The following C13orf42 variants were observed in gnomAD, a reference collection of about 807,000 sequenced individuals.
C13orf42 encodes chromosome 13 open reading frame 42, also known as uncharacterized protein C13orf42.
At chr13:51,165,630 A>C (rs574190394) in intron 1 of C13orf42, among the ~76,000 whole-genome samples, 12 of 152,340 alleles carry the variant, frequency 7.9e-5, no homozygotes, top group South Asian at 4.1e-4. Context: ...GATGACCAGC[A>C]GTGTTGATGG....
At chr13:51,114,647 G>C (rs1351132396), upstream of C13orf42, among the ~76,000 whole-genome samples, 1 of 63,292 alleles carries the variant, frequency 1.6e-5, no homozygotes, top group Non-Finnish European at 3.4e-5. Context: ...TAGATAGATA[G>C]AGATAGACAG....
At chr13:51,138,153 C>T (rs1953671024) in intron 1 of C13orf42, among the ~76,000 whole-genome samples, 1 of 152,160 alleles carries the variant, frequency 6.6e-6, no homozygotes, top group African/African-American at 2.4e-5. Flanking sequence ...TCCCCAAATG[C>T]CAGGATTCAC....
rs990040796 is a variant in C13orf42, at chr13:51,082,604, GA to G, written c.*1546del. The G allele has an allele frequency of 2.0e-5, 3 of 152,086 alleles. No homozygotes were observed. The highest frequency in any genetic ancestry group is 6.6e-5 in the Admixed American group (1 of 15,260). 9.4% of individuals were successfully genotyped at this position (152,086 alleles called of 1,614,324 possible). On this transcript the variant is annotated 3_prime_UTR_variant, in exon 4 of 4. Transcript: ENST00000563710. ...GGCTTCAAACAAGGCCACATTTAGG[GA>G]AAATAAAAGATCTGTGGTGATAAAT...
chr13:51,087,014 G>T (rs985858967), intron 2 of C13orf42, among the ~76,000 whole-genome samples: 1 of 152,190 alleles, frequency 6.6e-6, no homozygotes, highest in South Asian at 2.1e-4. Context: ...AAACACTCAT[G>T]AATTATTTAA....
At chr13:51,151,171 AC>A (rs1953775299) in intron 1 of C13orf42, among the ~76,000 whole-genome samples, 1 of 152,244 alleles carries the variant, frequency 6.6e-6, no homozygotes, top group Non-Finnish European at 1.5e-5. Context: ...AATATGTTAC[AC>A]CACATGGTAA....
chr13:51,111,199 T>C lies in C13orf42; in HGVS notation c.11A>G (p.Lys4Arg), dbSNP rs1311447539. 7.5e-6 allele frequency: 3 copies of C among 398,558 alleles called. No individual in the cohort carries two copies. Among genetic ancestry groups the C allele is most frequent in the African/African-American group, 6.2e-5 (3 of 48,634 alleles). The allele number at this position is 398,558 out of a possible 1,614,324, so 24.7% of individuals were successfully genotyped here. MFR[K>R]IHSIFNSSPQ... ...GCTGGAGTTAAAGATGGAGTGGATC[T>C]TTCTGAACATAGTGCTCGATTTCTT... Residue 4 changes from lysine to arginine, a missense_variant, in exon 1 of 4, where the codon AAG (lysine) becomes AGG (arginine). By Grantham distance (26) the Lys-to-Arg change is conservative. Transcript: ENST00000563710.
At chr13:51,164,796 T>G (rs1351948840) in intron 1 of C13orf42, among the ~76,000 whole-genome samples, 2 of 152,056 alleles carry the variant, frequency 1.3e-5, no homozygotes, top group Non-Finnish European at 2.9e-5. Flanking sequence ...AAAAGATGGA[T>G]TGAGGATGAC....
intron 1 of C13orf42, among the ~76,000 whole-genome samples, chr13:51,155,117 G>A (rs1953814994): frequency 1.3e-5 from 2 of 152,126 alleles, no homozygotes; most frequent in African/African-American, 4.8e-5. Flanking sequence ...AGGAGTTCAT[G>A]TAAAATGAAT....
intron 1 of C13orf42, among the ~76,000 whole-genome samples, chr13:51,108,174 G>C (rs897400131): frequency 3.9e-5 from 6 of 152,086 alleles, no homozygotes; most frequent in Admixed American, 3.9e-4. Context: ...TGGGATTAGG[G>C]GCCCACCCTA....
chr13:51,138,551 AAAAAAAAG>A (rs1444430740), intron 1 of C13orf42, among the ~76,000 whole-genome samples: 3 of 151,914 alleles, frequency 2.0e-5, no homozygotes, highest in Admixed American at 1.3e-4. Flanking sequence ...GCTTTTATCA[AAAAAAAAG>A]AAAAAAAGAA....
At chr13:51,151,757 T>C (rs1953779873) in intron 1 of C13orf42, among the ~76,000 whole-genome samples, 1 of 152,210 alleles carries the variant, frequency 6.6e-6, no homozygotes. Context: ...CCCCTTTGCC[T>C]GGGGGAGCCA....
At chr13:51,150,640 T>C (rs1203408730) in intron 1 of C13orf42, among the ~76,000 whole-genome samples, 2 of 152,152 alleles carry the variant, frequency 1.3e-5, no homozygotes, top group Non-Finnish European at 2.9e-5. Flanking sequence ...GCTTTGGCCA[T>C]CCTAAAAAAT....
intron 1 of C13orf42, among the ~76,000 whole-genome samples, chr13:51,120,904 C>T (rs900345805): frequency 2.6e-5 from 4 of 152,146 alleles, no homozygotes; most frequent in African/African-American, 9.7e-5. Flanking sequence ...ATCCCAGCTA[C>T]TCGAGAGGCT....
At chr13:51,117,443 A>G (rs1035450559) in intron 1 of C13orf42, among the ~76,000 whole-genome samples, 4 of 152,370 alleles carry the variant, frequency 2.6e-5, no homozygotes, top group Admixed American at 2.6e-4. Context: ...ATCATTTTAA[A>G]GTGATATACT....
chr13:51,084,528 C>T (rs569738873), intron 3 of C13orf42, among the ~76,000 whole-genome samples: 67 of 152,254 alleles, frequency 4.4e-4, no homozygotes, highest in African/African-American at 1.3e-3. Context: ...AGGGGAAGGA[C>T]GGGTGGTGAG....
intron 1 of C13orf42, among the ~76,000 whole-genome samples, chr13:51,117,637 A>AT (rs138766224): frequency 0.088 from 13,359 of 152,012 alleles, 880 homozygotes; most frequent in South Asian, 0.26. Context: ...GCGGTCCAGT[A>AT]TTTTTTTCAC....
chr13:51,097,882 C>T (rs1444246937), intron 1 of C13orf42, among the ~76,000 whole-genome samples: 1 of 152,054 alleles, frequency 6.6e-6, no homozygotes, highest in Admixed American at 6.6e-5. Flanking sequence ...CTGAAGTAGC[C>T]CAGGGAGACA....
intron 1 of C13orf42, among the ~76,000 whole-genome samples, chr13:51,131,905 T>G (rs1202245431): frequency 6.6e-6 from 1 of 152,228 alleles, no homozygotes; most frequent in South Asian, 2.1e-4. Flanking sequence ...CCCTGCTTAT[T>G]CCTATGAAGC....
intron 1 of C13orf42, among the ~76,000 whole-genome samples, chr13:51,096,498 A>G (rs1402104485): frequency 1.3e-5 from 2 of 152,230 alleles, no homozygotes; most frequent in East Asian, 3.8e-4. Flanking sequence ...TCTTTAGTTC[A>G]TATTTGTATC....
Sources: allele counts gnomAD v4.1 joint callset (sites outside exome capture counted in the v4.1 genomes callset), GRCh38; gene constraint gnomAD v4.1.1; transcripts MANE v1.5; gene names NCBI Gene and HGNC (gene_info 2026-07-23, HGNC 2026-07-21).